KRT80: variants seen among roughly 807,000 people sequenced by gnomAD.
The protein encoded by KRT80 is keratin, type II cytoskeletal 80.
A neutral mutation model predicts 51.5 loss-of-function variants in KRT80; 36 were observed. That is an observed-to-expected ratio of 0.70 (90% confidence interval 0.54 to 0.92). The LOEUF (loss-of-function observed/expected upper bound fraction) is 0.92, where lower values mean the gene tolerates loss of function less well. Among genes scored for constraint, KRT80 ranks in the 40% least tolerant of loss-of-function variants. KRT80 has a pLI of 0.00. For missense variants in KRT80, 566 were observed against 591.7 expected (o/e 0.96, Z 0.45); for synonymous variants, 235 against 248.3 (o/e 0.95, Z 0.50).
intron 4 of KRT80, among the ~76,000 whole-genome samples, chr12:52,176,319 T>C (rs1941220684): frequency 6.6e-6 from 1 of 152,198 alleles, no homozygotes; most frequent in Non-Finnish European, 1.5e-5. Flanking sequence ...TAAGCCGAAG[T>C]ACAGTTTAGG....
intron 5 of KRT80, 51 bp from the exon 6 acceptor site, chr12:52,173,214 C>T: frequency 6.6e-7 from 1 of 1,514,854 alleles, no homozygotes; most frequent in Non-Finnish European, 8.9e-7. Context: ...CCGCTCCCAG[C>T]ACTTGTTACC....
intron 1 of KRT80, among the ~76,000 whole-genome samples, chr12:52,188,668 T>TTGTCTCCATCCCTC (rs565548443): frequency 6.6e-6 from 1 of 152,164 alleles, no homozygotes; most frequent in Non-Finnish European, 1.5e-5. Flanking sequence ...GGTGAAGACA[T>TTGTCTCCATCCCTC]TGTCTCCATC....
chr12:52,172,164 C>G, intron 7 of KRT80, 34 bp downstream of exon 7: 2 of 1,608,498 alleles, frequency 1.2e-6, no homozygotes, highest in Non-Finnish European at 1.7e-6. Flanking sequence ...CCCTCCTTCC[C>G]CTGCAGCCCT....
At chr12:52,175,968 T>TG (rs957601435) in intron 4 of KRT80, among the ~76,000 whole-genome samples, 9 of 152,092 alleles carry the variant, frequency 5.9e-5, no homozygotes, top group Admixed American at 5.2e-4. Flanking sequence ...TCGGTGGGTG[T>TG]GGGGGGCCTC....
intron 2 of KRT80, among the ~76,000 whole-genome samples, chr12:52,181,769 C>T (rs188706384): frequency 1.3e-5 from 2 of 152,370 alleles, no homozygotes; most frequent in East Asian, 3.9e-4. Context: ...CCTGGCCCGA[C>T]CCTCTTCCTC....
At chr12:52,172,167 G>A in intron 7 of KRT80, 31 bp downstream of exon 7, 1 of 1,609,036 alleles carries the variant, frequency 6.2e-7, no homozygotes, top group African/African-American at 1.3e-5. Context: ...TCCTTCCCCT[G>A]CAGCCCTTCC....
rs779532524 is a variant in KRT80 at position 52,173,101 on chromosome 12, C to G, written c.894G>C (p.Glu298Asp). ...GGATGCGCACATTGAGATCCGCGAT[C>G]TCGCTGCGGCTGCTCTGGAGGCTGC... ...YGSSLQSSRS[E>D]IADLNVRIQK... The change falls in exon 6 of 9, where the codon GAG (glutamate) becomes GAC (aspartate). Residue 298 changes from glutamate to aspartate, a missense_variant. Physicochemically the swap from Glu to Asp is conservative, Grantham distance 45. Transcript: ENST00000394815. The G allele has an allele frequency of 2.5e-5, 40 of 1,613,474 alleles. No homozygotes were observed. Among genetic ancestry groups the G allele is most frequent in the Non-Finnish European group, 3.3e-5 (39 of 1,179,666 alleles).
intron 1 of KRT80, among the ~76,000 whole-genome samples, chr12:52,189,863 C>T (rs527747466): frequency 1.8e-4 from 28 of 152,366 alleles, no homozygotes; most frequent in Admixed American, 1.7e-3. Context: ...AGGGCCTCTT[C>T]CCTGTGCTTA....
In KRT80 at chr12:52,171,384, G is replaced by A; in HGVS notation, c.*14C>T. On this transcript the variant is annotated 3_prime_UTR_variant, in exon 9 of 9. Transcript: ENST00000394815. ...TGCAGTGGAGTGCCCTGGGGTTCCT[G>A]GGGTCCAGCCGCCTTACTCTGAGAC... The A allele has an allele frequency of 1.3e-6, 2 of 1,563,294 alleles. No homozygotes were observed. The highest frequency in any genetic ancestry group is 1.7e-6 in the Non-Finnish European group (2 of 1,155,152).
chr12:52,189,224 T>G (rs1941446997), intron 1 of KRT80, among the ~76,000 whole-genome samples: 1 of 152,012 alleles, frequency 6.6e-6, no homozygotes, highest in Non-Finnish European at 1.5e-5. Context: ...GGTCCATAAT[T>G]GCTCAACAGC....
rs768758448 is a variant in KRT80, at chr12:52,173,692, C to T, written c.739G>A (p.Asp247Asn). 3.7e-6 allele frequency: 6 copies of T among 1,612,860 alleles called. No individual in the cohort carries two copies. Among genetic ancestry groups the T allele is most frequent in the Admixed American group, 1.7e-5 (1 of 60,016 alleles). ...ACCTCCTCCACGATGCCGCTCAGGT[C>T]GATGTGGCAGCGGCTGTCCATGCCG... ...TVGMDSRCHI[D>N]LSGIVEEVKA... Residue 247 changes from aspartate to asparagine, a missense_variant, in exon 5 of 9, where the codon GAC becomes AAC. Asp to Asn is a conservative substitution (Grantham distance 23). Coordinates refer to ENST00000394815, the MANE Select transcript of KRT80 (RefSeq NM_182507.3).
At chr12:52,177,159 T>C (rs141235929) in intron 4 of KRT80, among the ~76,000 whole-genome samples, 1 of 152,318 alleles carries the variant, frequency 6.6e-6, no homozygotes, top group East Asian at 1.9e-4. Context: ...TGAGATTAAG[T>C]CCGGAAAACA....
Position 52,191,849 on chromosome 12 carries a change from C to T in KRT80, c.54G>A (p.Val18=). 1 of 1,550,986 alleles carries T rather than the reference C, an allele frequency of 6.4e-7. No individual in the cohort carries two copies. Among genetic ancestry groups the T allele is most frequent in the Non-Finnish European group, 8.7e-7 (1 of 1,145,516 alleles). ...VGFSSLSSCE[V]TPVGSPRPGT... ...CAGGCCGGGGGCTGCCCACCGGGGT[C>T]ACCTCACAGCTGCTGAGGCTGCTGA... Residue 18 remains valine (V), a synonymous_variant, in exon 1 of 9, where the codon GTG becomes GTA. Coordinates refer to ENST00000394815, the MANE Select transcript of KRT80 (RefSeq NM_182507.3).
intron 4 of KRT80, among the ~76,000 whole-genome samples, chr12:52,180,006 T>G (rs545103446): frequency 6.6e-6 from 1 of 152,368 alleles, no homozygotes; most frequent in South Asian, 2.1e-4. Flanking sequence ...CCTTGTACAC[T>G]GGGCCCCACT....
chr12:52,188,794 CTCTGTTG>C (rs1208663613), intron 1 of KRT80, among the ~76,000 whole-genome samples: 2 of 152,332 alleles, frequency 1.3e-5, no homozygotes, highest in African/African-American at 4.8e-5. Flanking sequence ...TCTCCATCCC[CTCTGTTG>C]TCTGTGTGTG....
intron 1 of KRT80, among the ~76,000 whole-genome samples, chr12:52,186,648 CTG>C (rs1941411340): frequency 6.6e-6 from 1 of 152,200 alleles, no homozygotes; most frequent in Non-Finnish European, 1.5e-5. Context: ...CACATGCGTC[CTG>C]TGTGTTGCTG....
chr12:52,172,084 C>G (rs1941114376), intron 7 of KRT80, 114 bp downstream of exon 7: 2 of 1,190,520 alleles, frequency 1.7e-6, no homozygotes, highest in Admixed American at 2.2e-5. Flanking sequence ...AAGACTTAAA[C>G]CCAGGCCTGG....
Position 52,171,472 on chromosome 12 carries a change from T to C in KRT80, c.1285A>G (p.Ser429Gly), listed in dbSNP as rs769435584. The C allele has an allele frequency of 5.0e-6, 8 of 1,613,204 alleles. No individual in the cohort carries two copies. The South Asian group carries it at 6.6e-5, about 13-fold the overall frequency. ...SKAPSRKKKG[S>G]KGPVIKITEM... The stretch of plus-strand genomic sequence containing the variant: ...GTGATTTTGATCACGGGGCCTTTGC[T>C]GCCCTTCTTCTTTCGGGAGGGGGCC... Residue 429 changes from serine to glycine, a missense_variant, in exon 9 of 9, where the codon AGC (serine) becomes GGC (glycine). Transcript: ENST00000394815.
At chr12:52,183,968 C>T (rs1941363283) in intron 2 of KRT80, among the ~76,000 whole-genome samples, 2 of 152,236 alleles carry the variant, frequency 1.3e-5, no homozygotes, top group African/African-American at 4.8e-5. Flanking sequence ...GCTGCCCCGA[C>T]TGCCCGGTCA....
Sources: gnomAD v4.1 joint callset for allele counts (sites outside exome capture counted in the v4.1 genomes callset) on GRCh38, gnomAD v4.1.1 for gene constraint, MANE v1.5 for transcripts, NCBI Gene and HGNC (gene_info 2026-07-23, HGNC 2026-07-21) for gene names.